PADI4: variants seen among roughly 807,000 people sequenced by gnomAD.
PADI4 encodes the protein protein-arginine deiminase type-4.
PADI4 carries 62 observed loss-of-function variants against 75.0 expected under a neutral mutation model. That is an observed-to-expected ratio of 0.83 (90% confidence interval 0.67 to 1.02). The LOEUF is 1.02. Ranked by LOEUF, PADI4 falls within the 50% of genes least tolerant of loss-of-function variation. The probability of loss-of-function intolerance (pLI) is 0.00; values close to 1 mark genes in which losing one functional copy is unlikely to be tolerated. For missense variants in PADI4, 845 were observed against 850.5 expected (o/e 0.99, Z 0.08); for synonymous variants, 361 against 348.1 (o/e 1.04, Z -0.41).
chr1:17,311,988 A>T (rs555692226), intron 1 of PADI4, among the ~76,000 whole-genome samples: 5 of 152,318 alleles, frequency 3.3e-5, no homozygotes, highest in Admixed American at 3.3e-4. Flanking sequence ...AGTGTCTGGC[A>T]GAGGGGTCCC....
At chr1:17,338,199 C>A in intron 5 of PADI4, 44 bp downstream of exon 5, 1 of 1,261,988 alleles carries the variant, frequency 7.9e-7, no homozygotes. Context: ...TTTTATAAAG[C>A]CCTTTTGCCC....
intron 6 of PADI4, 123 bp downstream of exon 6, chr1:17,339,936 G>T: frequency 1.9e-6 from 2 of 1,028,406 alleles, no homozygotes; most frequent in South Asian, 3.1e-5. Flanking sequence ...AACAGCAGAC[G>T]CAGCAGTGGG....
chr1:17,331,098 A>T lies in PADI4; in HGVS notation c.222A>T (p.Val74=). Residue 74 remains valine, a synonymous_variant, in exon 2 of 16, where the codon GTA becomes GTT. Transcript: ENST00000375448. ...GSSTWPLDPG[V]EVTLTMKVAS... Reference sequence around the variant, plus strand: ...CCACATGGCCCCTGGACCCTGGGGTAGAGGTGACCCTGACGATGAAAGTGG... The same window carrying T: ...CCACATGGCCCCTGGACCCTGGGGTTGAGGTGACCCTGACGATGAAAGTGG... 1.2e-6 allele frequency: 2 copies of T among 1,612,448 alleles called. No homozygotes were observed. Among genetic ancestry groups the T allele is most frequent in the Non-Finnish European group, 1.7e-6 (2 of 1,179,254 alleles).
In PADI4 at chr1:17,356,539, C is replaced by T. The variant is rs563113851; in HGVS notation, c.1558+80C>T. The T allele has an allele frequency of 8.3e-6, 7 of 839,870 alleles. No individual in the cohort carries two copies. The East Asian group carries it at 1.8e-4, about 21-fold the overall frequency. The allele number at this position is 839,870 out of a possible 1,614,324, so 52.0% of individuals were successfully genotyped here. ...CCGCTGTTGCCTGGAGGGAATCATC[C>T]AGGCAATAGGGTAGCATCTGAGCAC... On this transcript the variant is annotated intron_variant, in intron 13 of 15. Coordinates refer to ENST00000375448, the MANE Select transcript of PADI4 (RefSeq NM_012387.3). The surrounding 1 kb of genome is among the most constrained non-coding windows in gnomAD (Gnocchi z 4.1).
intron 1 of PADI4, among the ~76,000 whole-genome samples, chr1:17,326,331 T>C (rs1005634855): frequency 6.6e-5 from 10 of 152,312 alleles, no homozygotes; most frequent in East Asian, 1.9e-4. Flanking sequence ...TTACTTTCTT[T>C]TTAAAAATAT....
At chr1:17,341,583 A>C (rs545843247) in intron 6 of PADI4, among the ~76,000 whole-genome samples, 59 of 152,310 alleles carry the variant, frequency 3.9e-4, no homozygotes, top group African/African-American at 1.3e-3. Context: ...GGGGGTGAGG[A>C]TAGGAGGACA....
rs2074467790 is a variant in PADI4 at position 17,343,847 on chromosome 1, A to C, written c.935+1445A>C. 2.0e-5 allele frequency among the ~76,000 whole-genome samples: 3 copies of C among 152,008 alleles called. No homozygotes were observed. The South Asian group carries it at 6.2e-4, about 31-fold the overall frequency. ...TCCAATTAAACCTCTTTTCCTTCCTAGTCTCAGGTATGTTTTTATCAGCAG... is the reference window on the plus strand; with the variant it reads ...TCCAATTAAACCTCTTTTCCTTCCTCGTCTCAGGTATGTTTTTATCAGCAG... On this transcript the variant is annotated intron_variant, in intron 8 of 15. Coordinates refer to ENST00000375448, the MANE Select transcript of PADI4 (RefSeq NM_012387.3).
chr1:17,356,371 C>A lies in PADI4; in HGVS notation c.1470C>A (p.Leu490=). 2 of 1,608,614 alleles carry A rather than the reference C, an allele frequency of 1.2e-6. No homozygotes were observed. Among genetic ancestry groups the A allele is most frequent in the Non-Finnish European group, 8.5e-7 (1 of 1,177,062 alleles). ...TCTGCCTCCAGGGCTTCCGGCTGCT[C>A]CTGGCCAGCCCCAGGTCCTGCTACA... ...PAPDRKGFRL[L]LASPRSCYKL... is the part of the protein sequence containing the mutation. The change falls in exon 13 of 16, where the codon CTC becomes CTA. Residue 490 remains leucine, a synonymous_variant. Coordinates refer to ENST00000375448, the MANE Select transcript of PADI4 (RefSeq NM_012387.3). This position sits in a 1 kb window ranked among gnomAD's most constrained non-coding sequence, Gnocchi z 4.1.
intron 1 of PADI4, among the ~76,000 whole-genome samples, chr1:17,310,611 T>A (rs2073805730): frequency 6.6e-6 from 1 of 150,874 alleles, no homozygotes; most frequent in South Asian, 2.1e-4. Flanking sequence ...GGTGACAGAG[T>A]AAGACTCTGT....
At chr1:17,342,621 G>T (rs2074443467) in intron 8 of PADI4, among the ~76,000 whole-genome samples, 1 of 152,176 alleles carries the variant, frequency 6.6e-6, no homozygotes, top group Non-Finnish European at 1.5e-5. Context: ...ACTCCCAGGG[G>T]CCTGTAGAGT....
Position 17,339,759 on chromosome 1 carries a change from GT to G in PADI4, c.599del (p.Val200GlyfsTer12), listed in dbSNP as rs778674855. On this transcript the variant is annotated frameshift_variant, in exon 6 of 16. Coordinates refer to ENST00000375448, the MANE Select transcript of PADI4 (RefSeq NM_012387.3). LOFTEE classifies it high-confidence loss of function. The part of the protein sequence containing the change: ...PKDFFTNHTL[V>X]LHVARSEMDK... ...GGACTTCTTCACAAACCATACACTG[GT>G]GCTCCACGTGGCCAGGTCTGAGATG... The G allele has an allele frequency of 4.3e-6, 7 of 1,613,854 alleles. No individual in the cohort carries two copies. The highest frequency in any genetic ancestry group is 5.1e-6 in the Non-Finnish European group (6 of 1,179,964).
In PADI4 at chr1:17,339,695, G is replaced by A; in HGVS notation, c.534G>A (p.Gln178=). 1 of 1,613,940 alleles carries A rather than the reference G, an allele frequency of 6.2e-7. No homozygotes were observed. Among genetic ancestry groups the A allele is most frequent in the Non-Finnish European group, 8.5e-7 (1 of 1,179,936 alleles). Residue 178 remains glutamine (Q), a synonymous_variant, in exon 6 of 16, where the codon CAG becomes CAA. Transcript: ENST00000375448. Reference sequence around the variant, plus strand: ...ATGCCCTTCTCATCCCAGACCTGCAGGACATGTCGCTGATGACCCTGAGCA... The same window carrying A: ...ATGCCCTTCTCATCCCAGACCTGCAAGACATGTCGCTGATGACCCTGAGCA... ...DDEVLDSEDL[Q]DMSLMTLSTK...
At chr1:17,312,161 G>C (rs1216762698) in intron 1 of PADI4, among the ~76,000 whole-genome samples, 1 of 152,080 alleles carries the variant, frequency 6.6e-6, no homozygotes, top group African/African-American at 2.4e-5. Context: ...TATTTAAAGG[G>C]AAAAGAGTGG....
At chr1:17,359,495 G>A in intron 15 of PADI4, 87 bp downstream of exon 15, 2 of 1,578,434 alleles carry the variant, frequency 1.3e-6, no homozygotes, top group East Asian at 2.3e-5. Context: ...GGCGGTCCCA[G>A]AGGGCTTGGC....
intron 1 of PADI4, among the ~76,000 whole-genome samples, chr1:17,324,103 G>A (rs976317163): frequency 1.3e-5 from 2 of 148,504 alleles, no homozygotes; most frequent in Non-Finnish European, 3.0e-5. Flanking sequence ...CTGCCTAGAA[G>A]TCAAATTGCT....
intron 3 of PADI4, among the ~76,000 whole-genome samples, chr1:17,335,635 C>T (rs147929627): frequency 6.6e-6 from 1 of 152,350 alleles, no homozygotes; most frequent in African/African-American, 2.4e-5. Flanking sequence ...TTTGCTTTCT[C>T]AGCCAAGCCA....
chr1:17,334,423 G>A (rs747914925), intron 3 of PADI4: 18 of 459,566 alleles, frequency 3.9e-5, no homozygotes, highest in Non-Finnish European at 5.8e-5. Context: ...CTGCTTCAGC[G>A]TCCCTAGTAG....
chr1:17,325,248 T>C (rs567454090), intron 1 of PADI4, among the ~76,000 whole-genome samples: 2 of 152,244 alleles, frequency 1.3e-5, no homozygotes, highest in Admixed American at 1.3e-4. Context: ...TTTATTTGGA[T>C]CTTCTCTAAT....
At chr1:17,315,467 C>T (rs555226337) in intron 1 of PADI4, among the ~76,000 whole-genome samples, 12 of 151,976 alleles carry the variant, frequency 7.9e-5, no homozygotes, top group South Asian at 2.1e-4. Context: ...CAAGAGCAGG[C>T]GGAGGATAAA....
Sources: gnomAD v4.1 joint callset for allele counts (sites outside exome capture counted in the v4.1 genomes callset) on GRCh38, gnomAD v4.1.1 for gene constraint, Gnocchi (gnomAD v3.1) non-coding constraint, MANE v1.5 for transcripts, NCBI Gene and HGNC (gene_info 2026-07-23, HGNC 2026-07-21) for gene names.